The following ADAM10 variants were observed in gnomAD, a reference collection of about 807,000 sequenced individuals.
ADAM10 encodes the protein disintegrin and metalloproteinase domain-containing protein 10.
In ADAM10, 17 loss-of-function variants were observed where a neutral mutation model predicts 90.1. The ratio of observed to expected loss-of-function variants is 0.19; its 90% confidence interval spans 0.13 to 0.28. ADAM10 has a LOEUF of 0.28. Ranked by LOEUF, ADAM10 falls within the 10% of genes least tolerant of loss-of-function variation. The pLI is 1.00. For missense variants in ADAM10, 610 were observed against 914.3 expected (o/e 0.67, Z 4.29); for synonymous variants, 310 against 298.6 (o/e 1.04, Z -0.40).
In ADAM10 at chr15:58,730,050, T is replaced by C. The variant is rs1314773820; in HGVS notation, c.56-12323A>G. Among the ~76,000 whole-genome samples the C allele has an allele frequency of 2.7e-5, 4 of 146,540 alleles. No homozygotes were observed. In the East Asian group the frequency reaches 8.2e-4, roughly 30 times the overall value. ...CACTTTAGATTTTCACATTAGGAAA[T>C]CGTAAGCATAATGCAAATATTCCCA... On this transcript the variant is annotated intron_variant, in intron 1 of 15. Coordinates refer to ENST00000260408, the MANE Select transcript of ADAM10 (RefSeq NM_001110.4).
At chr15:58,731,662 G>A (rs867587572) in intron 1 of ADAM10, among the ~76,000 whole-genome samples, 3 of 151,984 alleles carry the variant, frequency 2.0e-5, no homozygotes, top group Admixed American at 6.6e-5. Flanking sequence ...AAGTATGAGA[G>A]GGCATTTTGC....
Position 58,621,022 on chromosome 15 carries a change from T to C in ADAM10, c.1511+449A>G, listed in dbSNP as rs1178070627. On this transcript the variant is annotated intron_variant, in intron 11 of 15. Transcript: ENST00000260408. ...AGTATGTCCTTTGAGTATGTCCTTT[T>C]GTTAACATTCACCACACAAATTACT... Among the ~76,000 whole-genome samples the C allele has an allele frequency of 7.2e-5, 11 of 152,124 alleles. No individual in the cohort carries two copies. In the South Asian group the frequency reaches 1.2e-3, roughly 17 times the overall value.
At chr15:58,713,564 C>T (rs1898545371) in intron 2 of ADAM10, among the ~76,000 whole-genome samples, 1 of 152,142 alleles carries the variant, frequency 6.6e-6, no homozygotes, top group Non-Finnish European at 1.5e-5. Flanking sequence ...TACAGCATTG[C>T]TAAGTGAGCA....
chr15:58,674,273 G>A (rs1317112601), intron 4 of ADAM10, among the ~76,000 whole-genome samples: 2 of 152,136 alleles, frequency 1.3e-5, no homozygotes, highest in Admixed American at 1.3e-4. Flanking sequence ...CTATCACTGT[G>A]CTTAAATAAG....
intron 4 of ADAM10, among the ~76,000 whole-genome samples, chr15:58,670,319 A>G (rs1246669869): frequency 3.3e-5 from 5 of 152,146 alleles, no homozygotes; most frequent in African/African-American, 1.2e-4. Flanking sequence ...AAATCTGTGT[A>G]ACCTTTTTAA....
chr15:58,632,282 T>C (rs1181534796), intron 9 of ADAM10, among the ~76,000 whole-genome samples: 1 of 152,172 alleles, frequency 6.6e-6, no homozygotes, highest in Admixed American at 6.5e-5. Flanking sequence ...AATAACCACA[T>C]TGTAGTTGTA....
chr15:58,631,936 A>T (rs1226604620), intron 9 of ADAM10, among the ~76,000 whole-genome samples: 1 of 152,228 alleles, frequency 6.6e-6, no homozygotes, highest in Non-Finnish European at 1.5e-5. Flanking sequence ...AAAGACTTGC[A>T]ACTTAGTGAG....
At position 58,597,356 on chromosome 15, in the gene ADAM10, C is replaced by T. The variant is rs539251007; in HGVS notation, c.*191G>A. ...AATTGGGTTCCTTTTCCACCTCCCACCCCCAAATTGGAATTTTCAGGCTTT... is the reference window on the plus strand; with the variant it reads ...AATTGGGTTCCTTTTCCACCTCCCATCCCCAAATTGGAATTTTCAGGCTTT... On this transcript the variant is annotated 3_prime_UTR_variant, in exon 16 of 16. Transcript: ENST00000260408. The T allele has an allele frequency of 6.5e-7, 1 of 1,540,038 alleles. No homozygotes were observed. The highest frequency in any genetic ancestry group is 2.4e-5 in the East Asian group (1 of 40,830).
At chr15:58,609,695 T>A (rs1172994264) in intron 14 of ADAM10, 1 of 154,598 alleles carries the variant, frequency 6.5e-6, no homozygotes, top group African/African-American at 2.4e-5. Flanking sequence ...ACACTTAAGT[T>A]GAGATAGTCA....
chr15:58,656,777 T>C (rs1042852529), intron 5 of ADAM10, among the ~76,000 whole-genome samples: 26 of 152,210 alleles, frequency 1.7e-4, no homozygotes, highest in African/African-American at 5.1e-4. Context: ...GTACTTATTA[T>C]TACCAATGAG....
intron 8 of ADAM10, among the ~76,000 whole-genome samples, chr15:58,635,274 C>CAAAAAAAAAAAAAAAAAAA (rs58106236): frequency 1.5e-5 from 1 of 65,908 alleles, no homozygotes; most frequent in Non-Finnish European, 2.6e-5. Flanking sequence ...GACTCTGTCT[C>CAAAAAAAAAAAAAAAAAAA]AAAAAAAAAA....
intron 10 of ADAM10, among the ~76,000 whole-genome samples, chr15:58,625,826 A>G (rs1051322773): frequency 1.3e-5 from 2 of 152,246 alleles, no homozygotes; most frequent in African/African-American, 2.4e-5. Context: ...CAGAAATAAA[A>G]AAGAACGAAC....
chr15:58,615,276 G>GAAAA (rs35628107), intron 11 of ADAM10, among the ~76,000 whole-genome samples: 18 of 84,750 alleles, frequency 2.1e-4, no homozygotes, highest in African/African-American at 3.5e-4. Flanking sequence ...TCCGTCTGAA[G>GAAAA]AAAAAAAAAA....
At chr15:58,686,611 A>T in intron 2 of ADAM10, 1 of 919,744 alleles carries the variant, frequency 1.1e-6, no homozygotes, top group East Asian at 2.4e-5. Context: ...CCTGTGCTTT[A>T]CTCTGAAGAC....
At chr15:58,636,452 T>G (rs964476925) in intron 8 of ADAM10, among the ~76,000 whole-genome samples, 1 of 152,214 alleles carries the variant, frequency 6.6e-6, no homozygotes, top group Non-Finnish European at 1.5e-5. Flanking sequence ...TGAGGTATCA[T>G]ATATACCCAC....
chr15:58,613,788 G>C (rs761479966), intron 11 of ADAM10, among the ~76,000 whole-genome samples: 3 of 152,036 alleles, frequency 2.0e-5, no homozygotes, highest in Admixed American at 6.6e-5. Context: ...AAGACTTATG[G>C]GACACCACCA....
chr15:58,747,817 G>C (rs1034300265), intron 1 of ADAM10: 1 of 152,046 alleles, frequency 6.6e-6, no homozygotes, highest in Admixed American at 6.5e-5. Flanking sequence ...TCAAATATAA[G>C]ACTACATCAG....
At chr15:58,685,574 A>ATATATG (rs1555417908) in intron 2 of ADAM10, among the ~76,000 whole-genome samples, 6 of 137,918 alleles carry the variant, frequency 4.4e-5, no homozygotes, top group Non-Finnish European at 3.1e-5. Flanking sequence ...ATATATATAT[A>ATATATG]TATATATATG....
chr15:58,620,919 C>T lies in ADAM10; in HGVS notation c.1511+552G>A, dbSNP rs1336592504. Among the ~76,000 whole-genome samples, 2 of 41,528 alleles carry T rather than the reference C, an allele frequency of 4.8e-5. 1 individual carries two copies. The highest frequency in any genetic ancestry group is 6.9e-5 in the Non-Finnish European group (2 of 29,032). 27.2% of individuals were successfully genotyped at this position (41,528 alleles called of 152,430 possible). A position where few individuals can be genotyped will look rare whatever the true frequency, so the allele number is the denominator to read the frequency against. ...TCCTGACCTCATGATCCACCCGCCT[C>T]GGCCTCCCAAAGTGCTGGGATTACA... On this transcript the variant is annotated intron_variant, in intron 11 of 15. Transcript: ENST00000260408.
Sources: gnomAD v4.1 joint callset for allele counts (sites outside exome capture counted in the v4.1 genomes callset) on GRCh38, gnomAD v4.1.1 for gene constraint, MANE v1.5 for transcripts, NCBI Gene and HGNC (gene_info 2026-07-23, HGNC 2026-07-21) for gene names.